Variants in TCF4 observed in about 807,000 individuals in gnomAD.
TCF4 encodes transcription factor 4, also known as SL3-3 enhancer factor 2.
A neutral mutation model predicts 82.1 loss-of-function variants in TCF4; 3 were observed. The observed-to-expected ratio is 0.04, with a 90% CI of 0.02 to 0.09. The LOEUF (loss-of-function observed/expected upper bound fraction) is 0.09, where lower values mean the gene tolerates loss of function less well. TCF4 is among the 10% of genes least tolerant of loss of function. TCF4 has a pLI of 1.00. For missense variants in TCF4, 518 were observed against 852.7 expected (o/e 0.61, Z 4.89); for synonymous variants, 276 against 309.6 (o/e 0.89, Z 1.14).
chr18:55,524,958 T>G (rs1176891516), intron 3 of TCF4, among the ~76,000 whole-genome samples: 1 of 152,198 alleles, frequency 6.6e-6, no homozygotes. Context: ...CAAGATCAGT[T>G]CATTAAGGCT....
At position 55,269,816 on chromosome 18, in the gene TCF4, ATT is replaced by A. The variant is rs1158472041; in HGVS notation, c.922+13_922+14del. Reference sequence around the variant, plus strand: ...ACCAATTGTTGGTATCAGAATTGGCATTTCTGTGACTCACCCATTATACTGTC... The same window carrying A: ...ACCAATTGTTGGTATCAGAATTGGCATCTGTGACTCACCCATTATACTGTC... On this transcript the variant is annotated intron_variant, in intron 11 of 19. Transcript: ENST00000354452. The A allele has an allele frequency of 6.2e-7, 1 of 1,612,760 alleles. No homozygotes were observed. Among genetic ancestry groups the A allele is most frequent in the African/African-American group, 1.3e-5 (1 of 74,846 alleles).
chr18:55,587,726 G>T (rs1186928236), intron 1 of TCF4, among the ~76,000 whole-genome samples: 1 of 151,890 alleles, frequency 6.6e-6, no homozygotes, highest in East Asian at 1.9e-4. Context: ...GGGTTGGGGG[G>T]AGCGGAGTGG....
chr18:55,529,579 T>C (rs1445686337), intron 3 of TCF4, among the ~76,000 whole-genome samples: 1 of 152,168 alleles, frequency 6.6e-6, no homozygotes, highest in African/African-American at 2.4e-5. Flanking sequence ...ATGATACAGT[T>C]AGCATTTATT....
intron 5 of TCF4, among the ~76,000 whole-genome samples, chr18:55,445,562 C>A (rs988945598): frequency 2.0e-5 from 3 of 152,000 alleles, no homozygotes; most frequent in Non-Finnish European, 4.4e-5. Context: ...GAAAAACCCA[C>A]CCCCCATGAT....
chr18:55,236,672 G>A (rs1407033261), intron 15 of TCF4, among the ~76,000 whole-genome samples: 2 of 152,008 alleles, frequency 1.3e-5, no homozygotes, highest in African/African-American at 2.4e-5. Flanking sequence ...ATTAGAAAAC[G>A]GATTCAATCA....
chr18:55,345,695 C>G (rs1044793898), intron 8 of TCF4, among the ~76,000 whole-genome samples: 1 of 152,108 alleles, frequency 6.6e-6, no homozygotes, highest in Non-Finnish European at 1.5e-5. Flanking sequence ...CCTCCTTTTA[C>G]GTCTTACCAC....
At chr18:55,333,298 A>G (rs953588721) in intron 8 of TCF4, among the ~76,000 whole-genome samples, 1 of 152,184 alleles carries the variant, frequency 6.6e-6, no homozygotes, top group Non-Finnish European at 1.5e-5. Flanking sequence ...GTCTGTAAAG[A>G]TGCAAATATC....
chr18:55,452,874 T>C (rs909043539), intron 5 of TCF4, among the ~76,000 whole-genome samples: 100 of 152,334 alleles, frequency 6.6e-4, no homozygotes, highest in Non-Finnish European at 1.1e-3. Context: ...GTATCTTTTT[T>C]CCTACTCCAT....
chr18:55,538,033 C>T lies in TCF4; in HGVS notation c.145+47247G>A, dbSNP rs1255195962. Among the ~76,000 whole-genome samples the T allele has an allele frequency of 2.0e-5, 3 of 148,280 alleles. No homozygotes were observed. The East Asian group carries it at 5.9e-4, about 29-fold the overall frequency. ...TTGCTAGTCTGCGCGCGCGCACACACACACACACACACACACACACACACA... is the reference window on the plus strand; with the variant it reads ...TTGCTAGTCTGCGCGCGCGCACACATACACACACACACACACACACACACA... On this transcript the variant is annotated intron_variant, in intron 3 of 19. Coordinates refer to ENST00000354452, the MANE Select transcript of TCF4 (RefSeq NM_001083962.2).
chr18:55,620,740 A>G (rs2097716991), intron 2 of TCF4, among the ~76,000 whole-genome samples: 2 of 150,540 alleles, frequency 1.3e-5, no homozygotes, highest in Non-Finnish European at 2.9e-5. Context: ...AATGATCAGT[A>G]TTCTTTGTCG....
At chr18:55,531,251 G>T (rs1188849381) in intron 3 of TCF4, among the ~76,000 whole-genome samples, 1 of 152,044 alleles carries the variant, frequency 6.6e-6, no homozygotes, top group Non-Finnish European at 1.5e-5. Flanking sequence ...ACCACACCAG[G>T]CCTACCAGAG....
rs544397599 is a variant in TCF4, at chr18:55,445,795, A to C, written c.304+15224T>G. ...GCTCAAGCATCTCTACCAACTGGTA[A>C]TTTTCTTTCCATCAGGATAGTTCTA... On this transcript the variant is annotated intron_variant, in intron 5 of 19. Transcript: ENST00000354452. 3.3e-5 allele frequency among the ~76,000 whole-genome samples: 5 copies of C among 152,220 alleles called. No homozygotes were observed. In the East Asian group the frequency reaches 9.6e-4, roughly 29 times the overall value.
chr18:55,308,545 T>TC (rs2071165266), intron 8 of TCF4, among the ~76,000 whole-genome samples: 1 of 152,206 alleles, frequency 6.6e-6, no homozygotes, highest in Non-Finnish European at 1.5e-5. Flanking sequence ...TGTGACACAT[T>TC]CATTAGGCTG....
At chr18:55,606,444 G>C (rs930730579) in intron 2 of TCF4, among the ~76,000 whole-genome samples, 16 of 152,086 alleles carry the variant, frequency 1.1e-4, no homozygotes, top group Admixed American at 9.8e-4. Context: ...ATAACTCAAA[G>C]ACATAATTTG....
intron 5 of TCF4, among the ~76,000 whole-genome samples, chr18:55,440,110 C>A (rs541639985): frequency 1.3e-5 from 2 of 152,142 alleles, no homozygotes; most frequent in South Asian, 4.2e-4. Context: ...ATGCCTGTTT[C>A]CACTCTGGGT....
At chr18:55,286,275 T>C (rs1218812708) in intron 8 of TCF4, among the ~76,000 whole-genome samples, 1 of 146,484 alleles carries the variant, frequency 6.8e-6, no homozygotes, top group African/African-American at 2.6e-5. Flanking sequence ...TTCTTTGTTT[T>C]TAGTACTATT....
chr18:55,430,925 G>A (rs1045902472), intron 5 of TCF4, among the ~76,000 whole-genome samples: 2 of 152,096 alleles, frequency 1.3e-5, no homozygotes, highest in Admixed American at 6.5e-5. Flanking sequence ...ACATTTCGCC[G>A]AGAAACCACA....
intron 3 of TCF4, 109 bp downstream of exon 3, chr18:55,585,171 T>C: frequency 1.0e-6 from 1 of 996,004 alleles, no homozygotes; most frequent in South Asian, 1.3e-5. Flanking sequence ...GATTACAGGC[T>C]AAAATTCAAT....
intron 3 of TCF4, among the ~76,000 whole-genome samples, chr18:55,519,961 T>G (rs1350668780): frequency 6.6e-6 from 1 of 152,084 alleles, no homozygotes; most frequent in Non-Finnish European, 1.5e-5. Flanking sequence ...GAATTGAAAA[T>G]TCAGTTTAGT....
Sources: allele counts gnomAD v4.1 joint callset (sites outside exome capture counted in the v4.1 genomes callset), GRCh38; gene constraint gnomAD v4.1.1; transcripts MANE v1.5; gene names NCBI Gene and HGNC (gene_info 2026-07-23, HGNC 2026-07-21).